The following CRY1 variants were observed in gnomAD, a reference collection of about 807,000 sequenced individuals.
CRY1 encodes the protein cryptochrome-1.
CRY1 carries 45 observed loss-of-function variants against 76.0 expected under a neutral mutation model. That is an observed-to-expected ratio of 0.59 (90% CI 0.47 to 0.76). The LOEUF (loss-of-function observed/expected upper bound fraction) is 0.76, where lower values mean the gene tolerates loss of function less well. Among genes scored for constraint, CRY1 ranks in the 30% least tolerant of loss-of-function variants. CRY1 has a pLI of 0.00. For synonymous variants in CRY1, 248 were observed against 244.0 expected, an observed-to-expected ratio of 1.02 and a Z score of -0.15; for missense variants, 587 against 716.4, an observed-to-expected ratio of 0.82 and a Z score of 2.06.
At chr12:107,074,850 A>C (rs1402357680) in intron 1 of CRY1, among the ~76,000 whole-genome samples, 1 of 152,198 alleles carries the variant, frequency 6.6e-6, no homozygotes, top group African/African-American at 2.4e-5. Context: ...CCCCGTCTCT[A>C]GTAAAAATAC....
chr12:106,997,970 A>C lies in CRY1; in HGVS notation c.1234T>G (p.Cys412Gly). 1 of 1,614,168 alleles carries C rather than the reference A, an allele frequency of 6.2e-7. No individual in the cohort carries two copies. The highest frequency in any genetic ancestry group is 1.3e-5 in the African/African-American group (1 of 75,066). The change falls in exon 8 of 13, where the codon TGC (cysteine) becomes GGC (glycine). Residue 412 changes from cysteine (C) to glycine (G), a missense_variant. Coordinates refer to ENST00000008527, the MANE Select transcript of CRY1 (RefSeq NM_004075.5). Reference protein sequence around the residue: ...CSSFFQQFFHCYCPVGFGRRT... With the variant: ...CSSFFQQFFHGYCPVGFGRRT... ...CTACCAAAACCAACAGGGCAATAGCAGTGAAAAAACTGTTGAAAAAAGGAA... is the reference window on the plus strand; with the variant it reads ...CTACCAAAACCAACAGGGCAATAGCCGTGAAAAAACTGTTGAAAAAAGGAA...
chr12:107,092,415 A>T (rs1286703314), intron 1 of CRY1, among the ~76,000 whole-genome samples: 2 of 152,220 alleles, frequency 1.3e-5, no homozygotes, highest in Non-Finnish European at 2.9e-5. Context: ...TGAGTTACCT[A>T]GACACAAACG....
In CRY1 at chr12:106,997,242, T is replaced by A. The variant is rs112159406; in HGVS notation, c.1585+52A>T. On this transcript the variant is annotated intron_variant, in intron 10 of 12. Coordinates refer to ENST00000008527, the MANE Select transcript of CRY1 (RefSeq NM_004075.5). Reference sequence around the variant, plus strand: ...AGTGAGGATCAATAACAAATATATTTGTTTAATAACCTCTTCATGTTACTA... The same window carrying A: ...AGTGAGGATCAATAACAAATATATTAGTTTAATAACCTCTTCATGTTACTA... The A allele has an allele frequency of 3.5e-3, 5,015 of 1,415,848 alleles. 20 individuals carry two copies. Among genetic ancestry groups the A allele is most frequent in the Non-Finnish European group, 4.2e-3 (4,283 of 1,008,914 alleles). 87.7% of individuals were successfully genotyped at this position (1,415,848 alleles called of 1,614,324 possible).
intron 1 of CRY1, among the ~76,000 whole-genome samples, chr12:107,069,909 G>C (rs1376084178): frequency 6.6e-6 from 1 of 151,636 alleles, no homozygotes; most frequent in Admixed American, 6.6e-5. Context: ...TTAGTAACTA[G>C]AAAAGTACAA....
intron 2 of CRY1, among the ~76,000 whole-genome samples, chr12:107,017,933 CA>C (rs1461460559): frequency 6.6e-6 from 1 of 152,180 alleles, no homozygotes; most frequent in Non-Finnish European, 1.5e-5. Flanking sequence ...CTCTACAGCA[CA>C]TATCACCACC....
intron 1 of CRY1, among the ~76,000 whole-genome samples, chr12:107,055,563 A>T (rs1952973183): frequency 6.6e-6 from 1 of 152,156 alleles, no homozygotes. Flanking sequence ...AAAAAAGCAG[A>T]ACAAAGAAAT....
chr12:107,005,015 A>G (rs2136826408), intron 3 of CRY1, 91 bp downstream of exon 3: 1 of 1,213,244 alleles, frequency 8.2e-7, no homozygotes, highest in East Asian at 2.4e-5. Context: ...TATGTAGTTA[A>G]TACCACCGAA....
chr12:107,000,628 G>A lies in CRY1; in HGVS notation c.685-546C>T, dbSNP rs1333605552. Among the ~76,000 whole-genome samples the A allele has an allele frequency of 2.6e-5, 4 of 151,320 alleles. No individual in the cohort carries two copies. In the East Asian group the frequency reaches 7.8e-4, roughly 30 times the overall value. ...GCCTCCCAAAGTGTTGGGATTACAGGTATGAGCCACCAGGCCTGGAAAATT... is the reference window on the plus strand; with the variant it reads ...GCCTCCCAAAGTGTTGGGATTACAGATATGAGCCACCAGGCCTGGAAAATT... On this transcript the variant is annotated intron_variant, in intron 5 of 12. Coordinates refer to ENST00000008527, the MANE Select transcript of CRY1 (RefSeq NM_004075.5).
At chr12:107,018,801 G>GA (rs1952523744) in intron 2 of CRY1, among the ~76,000 whole-genome samples, 1 of 152,090 alleles carries the variant, frequency 6.6e-6, no homozygotes, top group Admixed American at 6.6e-5. Flanking sequence ...AAAAACGCCA[G>GA]AAAAAATGAC....
chr12:107,042,559 A>G (rs1952809752), intron 1 of CRY1, among the ~76,000 whole-genome samples: 1 of 152,080 alleles, frequency 6.6e-6, no homozygotes, highest in Non-Finnish European at 1.5e-5. Context: ...AATCAAATTG[A>G]GGAGCAGTCT....
At chr12:106,999,919 T>C (rs746122658) in intron 6 of CRY1, 23 bp downstream of exon 6, 35 of 1,591,910 alleles carry the variant, frequency 2.2e-5, no homozygotes, top group Middle Eastern at 1.7e-4. Context: ...TATTAAACAA[T>C]AAGCTCTAAT....
At position 107,086,511 on chromosome 12, in the gene CRY1, T is replaced by C. The variant is rs998381005; in HGVS notation, c.158+6293A>G. 7.6e-4 allele frequency among the ~76,000 whole-genome samples: 116 copies of C among 152,046 alleles called. No individual in the cohort carries two copies. The Middle Eastern group carries it at 0.01, about 13-fold the overall frequency. ...GGCTCAGAGGCCTCCTCGGGCAAAA[T>C]GGTTTGGGAGGCCAGGCCCAGGGTG... On this transcript the variant is annotated intron_variant, in intron 1 of 12. Transcript: ENST00000008527.
At chr12:106,993,803 A>G (rs1196765937) in intron 10 of CRY1, among the ~76,000 whole-genome samples, 1 of 152,152 alleles carries the variant, frequency 6.6e-6, no homozygotes. Context: ...CATTTCCCTA[A>G]TGACTAATAA....
chr12:107,009,603 A>ATATATATATATATATATATATAT (rs1566245681), intron 2 of CRY1, among the ~76,000 whole-genome samples: 4 of 7,772 alleles, frequency 5.1e-4, no homozygotes, highest in African/African-American at 8.6e-4. Flanking sequence ...TATATATATA[A>ATATATATATATATATATATATAT]AATCTCTATA....
intron 2 of CRY1, among the ~76,000 whole-genome samples, chr12:107,008,341 T>C (rs1438999080): frequency 6.6e-6 from 1 of 152,228 alleles, no homozygotes; most frequent in African/African-American, 2.4e-5. Context: ...ACTAAGTATT[T>C]ATTATAATTC....
chr12:107,067,647 A>G (rs976203850), intron 1 of CRY1, among the ~76,000 whole-genome samples: 4 of 152,170 alleles, frequency 2.6e-5, no homozygotes, highest in African/African-American at 9.7e-5. Flanking sequence ...TCTGGAAAAG[A>G]GGCCCTTCCA....
At chr12:107,019,846 G>A (rs1462099507) in intron 2 of CRY1, among the ~76,000 whole-genome samples, 2 of 151,924 alleles carry the variant, frequency 1.3e-5, no homozygotes, top group Admixed American at 6.6e-5. Flanking sequence ...TTGAGCCTAG[G>A]AGTTTGAGGC....
chr12:107,071,125 T>C (rs746380364), intron 1 of CRY1, among the ~76,000 whole-genome samples: 1 of 152,200 alleles, frequency 6.6e-6, no homozygotes, highest in African/African-American at 2.4e-5. Flanking sequence ...ATACCTTTTA[T>C]ACTGCATTAG....
intron 1 of CRY1, among the ~76,000 whole-genome samples, chr12:107,033,282 A>G (rs1055774055): frequency 6.6e-6 from 1 of 152,196 alleles, no homozygotes; most frequent in Non-Finnish European, 1.5e-5. Context: ...TTACAAGAAA[A>G]ACACAAGAGT....
Sources: allele counts gnomAD v4.1 joint callset (sites outside exome capture counted in the v4.1 genomes callset), GRCh38; gene constraint gnomAD v4.1.1; transcripts MANE v1.5; gene names NCBI Gene and HGNC (gene_info 2026-07-23, HGNC 2026-07-21).